Variants in MEGF8 observed in about 807,000 individuals in gnomAD.
MEGF8 encodes the protein multiple EGF like domains 8.
A neutral mutation model predicts 302.9 loss-of-function variants in MEGF8; 156 were observed. That is an observed-to-expected ratio of 0.52 (90% CI 0.45 to 0.59). The LOEUF (loss-of-function observed/expected upper bound fraction) is 0.59, where lower values mean the gene tolerates loss of function less well. Ranked by LOEUF, MEGF8 falls within the 20% of genes least tolerant of loss-of-function variation. MEGF8 has a pLI of 0.00. For synonymous variants in MEGF8, 1,621 were observed against 1,660.5 expected, an observed-to-expected ratio of 0.98 and a Z score of 0.58; for missense variants, 3,345 against 3,964.5, an observed-to-expected ratio of 0.84 and a Z score of 4.20.
At position 42,344,351 on chromosome 19, in the gene MEGF8, C is replaced by G; in HGVS notation, c.1789-90C>G. 1.4e-6 allele frequency: 2 copies of G among 1,461,078 alleles called. No individual in the cohort carries two copies. Among genetic ancestry groups the G allele is most frequent in the East Asian group, 2.4e-5 (1 of 41,712 alleles). The allele number at this position is 1,461,078 out of a possible 1,614,324, so 90.5% of individuals were successfully genotyped here. On this transcript the variant is annotated intron_variant, in intron 10 of 41. Transcript: ENST00000251268. This position sits in a 1 kb window ranked among gnomAD's most constrained non-coding sequence, Gnocchi z 4.5. ...CCGTTCTTCAGTTTTTTCGCCCTTT[C>G]CATCGCAGGACCCTGTATCCACAGC...
In MEGF8 at chr19:42,354,513, C is replaced by A. The variant is rs1184722074; in HGVS notation, c.4012-75C>A. ...TCTCAGATTGCCCTCCCCTCTTGAA[C>A]CCCTCCTCCTCCCAGACCCCAGGTG... On this transcript the variant is annotated intron_variant, in intron 22 of 41. Transcript: ENST00000251268. The surrounding 1 kb of genome is among the most constrained non-coding windows in gnomAD (Gnocchi z 4.3). The A allele has an allele frequency of 2.6e-6, 4 of 1,521,524 alleles. No homozygotes were observed. The African/African-American group carries it at 4.1e-5, about 16-fold the overall frequency. The allele number at this position is 1,521,524 out of a possible 1,614,324, so 94.3% of individuals were successfully genotyped here. A position where few individuals can be genotyped will look rare whatever the true frequency, so the allele number is the denominator to read the frequency against.
At chr19:42,346,403 G>A (rs147073401) in intron 12 of MEGF8, among the ~76,000 whole-genome samples, 8 of 152,040 alleles carry the variant, frequency 5.3e-5, no homozygotes, top group East Asian at 3.9e-4. Flanking sequence ...TTAGCCGGGC[G>A]TGATGTCGGG....
rs376050744 is a variant in MEGF8 at position 42,344,608 on chromosome 19, C to A, written c.1933+23C>A. ...CTGGTGAGTGTCCGCAGCAGTGGGCCGGCAGGAGGGGGCCAGAGCACTCCA... is the reference window on the plus strand; with the variant it reads ...CTGGTGAGTGTCCGCAGCAGTGGGCAGGCAGGAGGGGGCCAGAGCACTCCA... On this transcript the variant is annotated intron_variant, in intron 11 of 41. Transcript: ENST00000251268. This position sits in a 1 kb window ranked among gnomAD's most constrained non-coding sequence, Gnocchi z 4.5. 5.1e-6 allele frequency: 8 copies of A among 1,578,918 alleles called. No homozygotes were observed. The highest frequency in any genetic ancestry group is 6.9e-6 in the Non-Finnish European group (8 of 1,161,162).
At position 42,334,208 on chromosome 19, in the gene MEGF8, G is replaced by C; in HGVS notation, c.553G>C (p.Ala185Pro). The C allele has an allele frequency of 2.5e-6, 4 of 1,592,336 alleles. No individual in the cohort carries two copies. ...SAYCGSHGTC[A>P]SPLGPCRCEP... is the part of the protein sequence containing the mutation. ...CTACTGTGGCAGCCACGGCACCTGC[G>C]CCTCGGTGAGCCGGTCCCCAGCCCT... The change falls in exon 3 of 42, where the codon GCC becomes CCC. Residue 185 changes from alanine (A) to proline (P), a missense_variant. Physicochemically the swap from Ala to Pro is conservative, Grantham distance 27. Transcript: ENST00000251268.
chr19:42,343,122 G>A (rs531175285), intron 8 of MEGF8, among the ~76,000 whole-genome samples: 3 of 152,320 alleles, frequency 2.0e-5, no homozygotes, highest in Admixed American at 1.3e-4. Context: ...CCCTGAGGAC[G>A]AGATGATGGT....
chr19:42,354,198 G>C lies in MEGF8; in HGVS notation c.4011+174G>C, dbSNP rs1173896318. Among the ~76,000 whole-genome samples the C allele has an allele frequency of 6.6e-6, 1 of 150,440 alleles. No homozygotes were observed. Among genetic ancestry groups the C allele is most frequent in the Non-Finnish European group, 1.5e-5 (1 of 67,776 alleles). ...CCAGCACTTTGTTCCTAGGCCCACA[G>C]ACAGACCCCCCCATTTCCCAGATAG... On this transcript the variant is annotated intron_variant, in intron 22 of 41. Transcript: ENST00000251268. This position sits in a 1 kb window ranked among gnomAD's most constrained non-coding sequence, Gnocchi z 4.3.
At chr19:42,350,729 G>T (rs917747901) in intron 15 of MEGF8, among the ~76,000 whole-genome samples, 2 of 152,320 alleles carry the variant, frequency 1.3e-5, no homozygotes, top group Admixed American at 6.5e-5. Context: ...CCCTGGGAGG[G>T]TTTGTTTCCT....
chr19:42,333,558 G>C, intron 1 of MEGF8, 47 bp from the exon 2 acceptor site: 4 of 1,577,886 alleles, frequency 2.5e-6, no homozygotes, highest in Non-Finnish European at 3.5e-6. Flanking sequence ...GGAGGTGTGG[G>C]GAGAAGGTCC....
intron 41 of MEGF8, among the ~76,000 whole-genome samples, chr19:42,374,396 G>A (rs1358579635): frequency 4.0e-5 from 6 of 151,344 alleles, no homozygotes; most frequent in African/African-American, 7.3e-5. Context: ...GCTTGAACCC[G>A]GGAGGCAGAG....
rs757227265 is a variant in MEGF8 at position 42,359,165 on chromosome 19, C to T, written c.5411C>T (p.Ser1804Leu). ...ACCATGGTGGTTCTTGGGGGGCGCT[C>T]GGACCCTGACGAGTTCAGCAGCGAC... Reference protein sequence around the residue: ...GDTMVVLGGRSDPDEFSSDVL... With the variant: ...GDTMVVLGGRLDPDEFSSDVL... The change falls in exon 31 of 42, where the codon TCG becomes TTG. Residue 1804 changes from serine (S) to leucine (L), a missense_variant. Ser to Leu is a moderately radical substitution (Grantham distance 145, BLOSUM62 -2). Transcript: ENST00000251268. The T allele has an allele frequency of 2.4e-5, 39 of 1,601,236 alleles. No individual in the cohort carries two copies. Among genetic ancestry groups the T allele is most frequent in the Admixed American group, 1.7e-4 (10 of 58,140 alleles).
In MEGF8 at chr19:42,368,428, C is replaced by T. The variant is rs1435929520; in HGVS notation, c.6274-27C>T. 27 of 1,532,422 alleles carry T rather than the reference C, an allele frequency of 1.8e-5. No individual in the cohort carries two copies. Among genetic ancestry groups the T allele is most frequent in the South Asian group, 1.4e-4 (12 of 83,400 alleles). The allele number at this position is 1,532,422 out of a possible 1,614,324, so 94.9% of individuals were successfully genotyped here. ...TATTTCCCCATCTCTCTCTTCCCTG[C>T]ATCCCCATCCCCTCCCCCCCATACA... is the stretch of plus-strand genomic sequence containing the variant. On this transcript the variant is annotated intron_variant, in intron 35 of 41. Coordinates refer to ENST00000251268, the MANE Select transcript of MEGF8 (RefSeq NM_001271938.2). This position sits in a 1 kb window ranked among gnomAD's most constrained non-coding sequence, Gnocchi z 4.9.
Position 42,354,823 on chromosome 19 carries a change from CT to C in MEGF8, c.4144+105del. On this transcript the variant is annotated intron_variant, in intron 23 of 41. Coordinates refer to ENST00000251268, the MANE Select transcript of MEGF8 (RefSeq NM_001271938.2). The surrounding 1 kb of genome is among the most constrained non-coding windows in gnomAD (Gnocchi z 4.3). Reference sequence around the variant, plus strand: ...GGCTCAGGACCCAGCTCTGCCGCTGCTTATGGGGTGATGTAGTCCCTCACCA... The same window carrying C: ...GGCTCAGGACCCAGCTCTGCCGCTGCTATGGGGTGATGTAGTCCCTCACCA... 1 of 1,279,134 alleles carries C rather than the reference CT, an allele frequency of 7.8e-7. No homozygotes were observed. Among genetic ancestry groups the C allele is most frequent in the Non-Finnish European group, 1.1e-6 (1 of 943,608 alleles). 79.2% of individuals were successfully genotyped at this position (1,279,134 alleles called of 1,614,324 possible). A position where few individuals can be genotyped will look rare whatever the true frequency, so the allele number is the denominator to read the frequency against.
chr19:42,339,482 T>G (rs1244479597), intron 8 of MEGF8, among the ~76,000 whole-genome samples: 1 of 152,200 alleles, frequency 6.6e-6, no homozygotes, highest in Non-Finnish European at 1.5e-5. Context: ...ATTGAGCATT[T>G]TTTCATATGC....
chr19:42,371,815 G>C (rs2039695101), intron 41 of MEGF8, among the ~76,000 whole-genome samples: 1 of 152,136 alleles, frequency 6.6e-6, no homozygotes, highest in African/African-American at 2.4e-5. Flanking sequence ...GGGCATGGTT[G>C]CTCATGTCTG....
chr19:42,327,069 C>A (rs1260978216), intron 1 of MEGF8, among the ~76,000 whole-genome samples: 4 of 152,112 alleles, frequency 2.6e-5, no homozygotes, highest in Non-Finnish European at 1.5e-5. Context: ...GTTTCCTTCC[C>A]CCACAAATGG....
rs757134743 is a variant in MEGF8 at position 42,344,545 on chromosome 19, G to C, written c.1893G>C (p.Leu631=). 17 of 1,599,856 alleles carry C rather than the reference G, an allele frequency of 1.1e-5. No individual in the cohort carries two copies. The highest frequency in any genetic ancestry group is 1.4e-5 in the Non-Finnish European group (17 of 1,178,784). The part of the protein sequence containing the change: ...PTAPPRGPGT[L]GWCVHNESCL... ...CCCCTCCACGGGGACCTGGCACCCT[G>C]GGCTGGTGCGTGCACAATGAGAGCT... is the stretch of plus-strand genomic sequence containing the variant. Residue 631 remains leucine (L), a synonymous_variant, in exon 11 of 42, where the codon CTG becomes CTC. Coordinates refer to ENST00000251268, the MANE Select transcript of MEGF8 (RefSeq NM_001271938.2). This position sits in a 1 kb window ranked among gnomAD's most constrained non-coding sequence, Gnocchi z 4.5.
rs1015184528 is a variant in MEGF8, at chr19:42,348,404, G to A, written c.2230G>A (p.Val744Met). The change falls in exon 13 of 42, where the codon GTG becomes ATG. Residue 744 changes from valine (V) to methionine (M), a missense_variant. Transcript: ENST00000251268. Reference protein sequence around the residue: ...PGGPGAEDVAVWTRAQRLHVL... With the variant: ...PGGPGAEDVAMWTRAQRLHVL... Reference sequence around the variant, plus strand: ...TGGACCAGGGGCTGAGGACGTGGCCGTGTGGACGCGGGCCCAGCGCCTACA... The same window carrying A: ...TGGACCAGGGGCTGAGGACGTGGCCATGTGGACGCGGGCCCAGCGCCTACA... 32 of 1,536,820 alleles carry A rather than the reference G, an allele frequency of 2.1e-5. No homozygotes were observed. The highest frequency in any genetic ancestry group is 4.9e-5 in the East Asian group (2 of 40,904).
Position 42,351,408 on chromosome 19 carries a change from G to T in MEGF8, c.2856-21G>T. 1 of 1,584,122 alleles carries T rather than the reference G, an allele frequency of 6.3e-7. No individual in the cohort carries two copies. The highest frequency in any genetic ancestry group is 1.8e-5 in the Admixed American group (1 of 55,376). ...TGTGTGCTGGCTGTGGAGTGACCTG[G>T]CCCCCTGCTCCCCACCCCAGGCGAC... On this transcript the variant is annotated intron_variant, in intron 16 of 41. Coordinates refer to ENST00000251268, the MANE Select transcript of MEGF8 (RefSeq NM_001271938.2). The surrounding 1 kb of genome is among the most constrained non-coding windows in gnomAD (Gnocchi z 5.6).
Position 42,351,247 on chromosome 19 carries a change from G to C in MEGF8, c.2768G>C (p.Ser923Thr). Reference sequence around the variant, plus strand: ...TTCTGTGAGTGGCATCAGAGCACCAGCCGCAAAGGGGACGCGGCATGCAGC... The same window carrying C: ...TTCTGTGAGTGGCATCAGAGCACCACCCGCAAAGGGGACGCGGCATGCAGC... The part of the protein sequence containing the change: ...DPFCEWHQST[S>T]RKGDAACSRR... The change falls in exon 16 of 42, where the codon AGC becomes ACC. Residue 923 changes from serine (S) to threonine (T), a missense_variant. Transcript: ENST00000251268. The surrounding 1 kb of genome is among the most constrained non-coding windows in gnomAD (Gnocchi z 5.6). 6.4e-7 allele frequency: 1 copy of C among 1,568,588 alleles called. No individual in the cohort carries two copies. Among genetic ancestry groups the C allele is most frequent in the Non-Finnish European group, 8.6e-7 (1 of 1,156,548 alleles).
Sources: allele counts gnomAD v4.1 joint callset (sites outside exome capture counted in the v4.1 genomes callset), GRCh38; gene constraint gnomAD v4.1.1; non-coding constraint Gnocchi (gnomAD v3.1); transcripts MANE v1.5; gene names NCBI Gene and HGNC (gene_info 2026-07-23, HGNC 2026-07-21).